The following DAPK2 variants were observed in gnomAD, a reference collection of about 807,000 sequenced individuals.
The protein encoded by DAPK2 is death associated protein kinase 2, also known as death-associated protein kinase 2.
In DAPK2, 35 loss-of-function variants were observed where a neutral mutation model predicts 44.1. The observed-to-expected ratio is 0.79, with a 90% CI of 0.61 to 1.05. The LOEUF is 1.05. Ranked by LOEUF, DAPK2 falls within the 50% of genes least tolerant of loss-of-function variation. The probability of loss-of-function intolerance (pLI) is 0.00; values close to 1 mark genes in which losing one functional copy is unlikely to be tolerated. For missense variants in DAPK2, 453 were observed against 483.2 expected (o/e 0.94, Z 0.59); for synonymous variants, 174 against 182.6 (o/e 0.95, Z 0.38).
chr15:64,028,030 G>GTATCTATCTATCTATC (rs777029949), intron 1 of DAPK2, among the ~76,000 whole-genome samples: 2,530 of 94,244 alleles, frequency 0.027, 37 homozygotes, highest in African/African-American at 0.043. Context: ...TACATAAACT[G>GTATCTATCTATCTATC]TATCTATCTA....
intron 5 of DAPK2, 28 bp downstream of exon 6, chr15:63,930,379 G>A: frequency 6.2e-7 from 1 of 1,613,074 alleles, no homozygotes; most frequent in Non-Finnish European, 8.5e-7. Flanking sequence ...AGGATCGCTA[G>A]GTCACCTGAG....
At chr15:63,930,907 T>A (rs982665399) in intron 4 of DAPK2, among the ~76,000 whole-genome samples, 2 of 151,896 alleles carry the variant, frequency 1.3e-5, no homozygotes, top group African/African-American at 4.8e-5. Flanking sequence ...AAACATTTTT[T>A]AAAATTAGCT....
Position 63,912,067 on chromosome 15 carries a change from A to AGCCCCCCCCCCGTGCCCCCCC in DAPK2, c.948+40_948+41insGGGGGGGCACGGGGGGGGGGC. 6.4e-7 allele frequency: 1 copy of AGCCCCCCCCCCGTGCCCCCCC among 1,573,508 alleles called. No homozygotes were observed. Among genetic ancestry groups the AGCCCCCCCCCCGTGCCCCCCC allele is most frequent in the Non-Finnish European group, 8.7e-7 (1 of 1,154,214 alleles). ...CCTGGAGAGCCAGAAACCCCGCCCT[A>AGCCCCCCCCCCGTGCCCCCCC]GCCCCCACCCTGTCCCCCGCCGCCC... On this transcript the variant is annotated intron_variant, in intron 9 of 10. Coordinates refer to ENST00000261891, the Ensembl canonical transcript of DAPK2. This position sits in a 1 kb window ranked among gnomAD's most constrained non-coding sequence, Gnocchi z 4.4.
At chr15:64,036,026 T>A (rs2080169685) in intron 1 of DAPK2, among the ~76,000 whole-genome samples, 1 of 151,880 alleles carries the variant, frequency 6.6e-6, no homozygotes, top group Admixed American at 6.6e-5. Context: ...GGTTATTTAT[T>A]TTTTGGGGGG....
chr15:63,946,631 G>A (rs2077456042), intron 3 of DAPK2, among the ~76,000 whole-genome samples: 1 of 152,220 alleles, frequency 6.6e-6, no homozygotes, highest in Admixed American at 6.5e-5. Flanking sequence ...GGGGCTGCAA[G>A]GGACCTCAGA....
In DAPK2 at chr15:64,026,484, T is replaced by C. The variant is rs940372355; in HGVS notation, c.92+13686A>G. On this transcript the variant is annotated intron_variant, in intron 1 of 10. Transcript: ENST00000261891. ...GTCTCAAACTCCTGGGCTCAAGCTA[T>C]CTACCCACCTCCACCTCCCAAAGTG... Among the ~76,000 whole-genome samples, 19 of 152,118 alleles carry C rather than the reference T, an allele frequency of 1.2e-4. No individual in the cohort carries two copies. The South Asian group carries it at 2.3e-3, about 18-fold the overall frequency.
chr15:63,999,010 A>G (rs1431980604), intron 1 of DAPK2, among the ~76,000 whole-genome samples: 1 of 152,158 alleles, frequency 6.6e-6, no homozygotes, highest in Non-Finnish European at 1.5e-5. Context: ...CTTGGAGGGC[A>G]GGGCTGTTTT....
chr15:63,960,204 C>T (rs1356378341), intron 3 of DAPK2, among the ~76,000 whole-genome samples: 1 of 152,034 alleles, frequency 6.6e-6, no homozygotes, highest in Non-Finnish European at 1.5e-5. Context: ...GGTGATATCC[C>T]CTTTATCATT....
chr15:63,974,297 C>T (rs915041222), intron 2 of DAPK2, among the ~76,000 whole-genome samples: 1 of 152,200 alleles, frequency 6.6e-6, no homozygotes, highest in East Asian at 1.9e-4. Flanking sequence ...GCTCAAGACC[C>T]ATGACACAGT....
At position 63,939,287 on chromosome 15, in the gene DAPK2, G is replaced by C. The variant is rs186891659; in HGVS notation, c.528C>G (p.His176Gln). 1.5e-5 allele frequency: 24 copies of C among 1,613,454 alleles called. No individual in the cohort carries two copies. In the African/African-American group the frequency reaches 2.4e-4, roughly 16 times the overall value. ...TAAATTCAACTCCATCTTCTATTTC[G>C]TGAGCCAGACCAAAGTCAATCAGCT... Residue 176 changes from histidine (H) to glutamine (Q), a missense_variant, in exon 4 of 11, where the codon CAC (histidine) becomes CAG (glutamine). Transcript: ENST00000261891. The surrounding 1 kb of genome is among the most constrained non-coding windows in gnomAD (Gnocchi z 4.3).
At chr15:63,956,823 G>A (rs1380236710) in intron 3 of DAPK2, among the ~76,000 whole-genome samples, 1 of 152,208 alleles carries the variant, frequency 6.6e-6, no homozygotes, top group Middle Eastern at 3.4e-3. Context: ...TCCTGACTTC[G>A]TGATCCACCT....
At chr15:64,029,640 G>A (rs2079954053) in intron 1 of DAPK2, 1 of 152,244 alleles carries the variant, frequency 6.6e-6, no homozygotes, top group South Asian at 2.1e-4. Context: ...CTCTTCTGGG[G>A]CAAGGTCTAA....
chr15:63,926,086 C>T lies in DAPK2; in HGVS notation c.667G>A (p.Gly223Arg), dbSNP rs200851607. ...GTGTCTCCCAGGAAAGGGGATGCTC[C>T]ACTTAAGCTGAGTACGACAGACAGG... is the stretch of plus-strand genomic sequence containing the variant. The change falls in exon 7 of 11, where the codon GGA becomes AGA. Residue 223 changes from glycine to arginine, a missense_variant. Physicochemically the swap from Gly to Arg is moderately radical, Grantham distance 125 (BLOSUM62 -2). Transcript: ENST00000261891. 102 of 1,608,314 alleles carry T rather than the reference C, an allele frequency of 6.3e-5. No individual in the cohort carries two copies. The highest frequency in any genetic ancestry group is 8.4e-5 in the Non-Finnish European group (99 of 1,176,996).
chr15:64,043,851 C>T (rs1454504625), upstream of DAPK2, among the ~76,000 whole-genome samples: 6 of 152,186 alleles, frequency 3.9e-5, no homozygotes. Context: ...GACATTCCTA[C>T]CTCTGTCCCC....
intron 1 of DAPK2, among the ~76,000 whole-genome samples, chr15:63,987,395 AG>A (rs1347773891): frequency 6.6e-6 from 1 of 152,214 alleles, no homozygotes; most frequent in Non-Finnish European, 1.5e-5. Flanking sequence ...AATGTCATCC[AG>A]GGAGGGAGCA....
chr15:63,981,997 T>G (rs898567829), intron 2 of DAPK2, among the ~76,000 whole-genome samples: 3 of 152,132 alleles, frequency 2.0e-5, no homozygotes, highest in African/African-American at 7.2e-5. Context: ...CAAATTAGAA[T>G]GATCTCAAAT....
At position 63,982,781 on chromosome 15, in the gene DAPK2, G is replaced by C. The variant is rs191455454; in HGVS notation, c.314+752C>G. Among the ~76,000 whole-genome samples the C allele has an allele frequency of 1.1e-3, 163 of 152,328 alleles. 1 individual carries two copies. The highest frequency in any genetic ancestry group is 3.7e-3 in the African/African-American group (153 of 41,574). ...ACTTCCTGGCTATAGGCTCCTGTAA[G>C]TGTCCTGGCCTCTCAGTGTTCTTGT... On this transcript the variant is annotated intron_variant, in intron 2 of 10. Transcript: ENST00000261891.
chr15:64,038,228 G>A (rs1047496946), intron 1 of DAPK2, among the ~76,000 whole-genome samples: 1 of 152,110 alleles, frequency 6.6e-6, no homozygotes, highest in Non-Finnish European at 1.5e-5. Flanking sequence ...TAACTGCCAG[G>A]GTGGAGCTCC....
chr15:63,929,500 G>T, intron 6 of DAPK2, 51 bp downstream of exon 7: 2 of 1,611,262 alleles, frequency 1.2e-6, no homozygotes, highest in South Asian at 1.1e-5. Context: ...CATTCCTTCT[G>T]GTTCCCCCAG....
Sources: gnomAD v4.1 joint callset for allele counts (sites outside exome capture counted in the v4.1 genomes callset) on GRCh38, gnomAD v4.1.1 for gene constraint, Gnocchi (gnomAD v3.1) non-coding constraint, MANE v1.5 for transcripts, NCBI Gene and HGNC (gene_info 2026-07-23, HGNC 2026-07-21) for gene names.